The following DPY19L1 variants were observed in gnomAD, a reference collection of about 807,000 sequenced individuals.
DPY19L1 encodes the protein protein C-mannosyl-transferase DPY19L1.
In DPY19L1, 35 loss-of-function variants were observed where a neutral mutation model predicts 96.9. The ratio of observed to expected loss-of-function variants is 0.36; its 90% CI spans 0.28 to 0.48. The LOEUF (loss-of-function observed/expected upper bound fraction) is 0.48, where lower values mean the gene tolerates loss of function less well. Ranked by LOEUF, DPY19L1 falls within the 20% of genes least tolerant of loss-of-function variation. The pLI, the probability that DPY19L1 is intolerant of heterozygous loss-of-function variation, is 0.99. For synonymous variants in DPY19L1, 205 were observed against 252.6 expected, an observed-to-expected ratio of 0.81 and a Z score of 1.79; for missense variants, 521 against 777.9, an observed-to-expected ratio of 0.67 and a Z score of 3.93.
chr7:34,938,256 C>T (rs1392173282), intron 20 of DPY19L1, 137 bp from the exon 21 acceptor site: 13 of 953,124 alleles, frequency 1.4e-5, no homozygotes, highest in African/African-American at 5.0e-5. Flanking sequence ...TGGAAGTTCC[C>T]GCTAAGGGGC....
chr7:34,978,214 T>A (rs1192486812), intron 7 of DPY19L1, among the ~76,000 whole-genome samples: 2 of 152,164 alleles, frequency 1.3e-5, no homozygotes, highest in Non-Finnish European at 2.9e-5. Flanking sequence ...ATCAAACAGA[T>A]CATGTTTAAG....
In DPY19L1 at chr7:34,933,179, G is replaced by A. The variant is rs562503507; in HGVS notation, c.2091-1450C>T. On this transcript the variant is annotated intron_variant, in intron 21 of 21. Transcript: ENST00000638088. ...TATTTCAATAGCTTTTGGGAAACAA[G>A]TGGTTTTTGGTTACACGGATAAGTT... 1.3e-4 allele frequency among the ~76,000 whole-genome samples: 20 copies of A among 152,206 alleles called. No homozygotes were observed. In the East Asian group the frequency reaches 3.9e-3, roughly 29 times the overall value.
intron 11 of DPY19L1, 149 bp downstream of exon 11, chr7:34,957,835 G>C (rs1784410374): frequency 2.1e-6 from 1 of 478,430 alleles, no homozygotes; most frequent in Non-Finnish European, 3.7e-6. Context: ...TTTTAGAATT[G>C]AGTACTTGAA....
chr7:35,025,397 T>C (rs1392165177), intron 1 of DPY19L1, among the ~76,000 whole-genome samples: 1 of 151,860 alleles, frequency 6.6e-6, no homozygotes, highest in African/African-American at 2.4e-5. Flanking sequence ...AGAGAACACA[T>C]TAAGCACTCA....
At chr7:35,015,693 C>T (rs1309480595) in intron 3 of DPY19L1, among the ~76,000 whole-genome samples, 1 of 152,210 alleles carries the variant, frequency 6.6e-6, no homozygotes, top group East Asian at 1.9e-4. Flanking sequence ...AATCAACCAG[C>T]AGCCCTCACA....
At chr7:34,982,212 G>C (rs1784953794) in intron 7 of DPY19L1, among the ~76,000 whole-genome samples, 1 of 152,122 alleles carries the variant, frequency 6.6e-6, no homozygotes, top group Non-Finnish European at 1.5e-5. Context: ...ATGAAAATGA[G>C]AATATGGGCT....
chr7:34,986,593 C>T (rs920882816), intron 7 of DPY19L1, among the ~76,000 whole-genome samples: 4 of 151,914 alleles, frequency 2.6e-5, no homozygotes, highest in African/African-American at 9.7e-5. Flanking sequence ...AGATTGTTTT[C>T]AAAGTGCTCT....
chr7:34,950,631 A>G (rs900187572), intron 13 of DPY19L1, among the ~76,000 whole-genome samples: 1 of 152,230 alleles, frequency 6.6e-6, no homozygotes, highest in Non-Finnish European at 1.5e-5. Context: ...TGATATCTAC[A>G]TGAAGCAGAA....
rs1584214824 is a variant in DPY19L1 at position 34,954,791 on chromosome 7, A to G, written c.1240-13T>C. 6.9e-7 allele frequency: 1 copy of G among 1,453,604 alleles called. No homozygotes were observed. Among genetic ancestry groups the G allele is most frequent in the Non-Finnish European group, 9.4e-7 (1 of 1,060,366 alleles). The allele number at this position is 1,453,604 out of a possible 1,614,324, so 90.0% of individuals were successfully genotyped here. Reference sequence around the variant, plus strand: ...ATCCTTGAATAACCTAAACAAAAGAAAACAAAAATAACTTTGATGCTTCAT... The same window carrying G: ...ATCCTTGAATAACCTAAACAAAAGAGAACAAAAATAACTTTGATGCTTCAT... On this transcript the variant is annotated splice_polypyrimidine_tract_variant and intron_variant, in intron 12 of 21. Transcript: ENST00000638088.
intron 3 of DPY19L1, among the ~76,000 whole-genome samples, chr7:35,017,094 T>A (rs530482064): frequency 2.6e-5 from 4 of 152,062 alleles, no homozygotes; most frequent in Non-Finnish European, 5.9e-5. Context: ...TTCCAGTATG[T>A]CTTGTGCCAT....
chr7:34,966,816 T>A (rs1374470356), intron 10 of DPY19L1, 78 bp downstream of exon 10: 10 of 1,292,166 alleles, frequency 7.7e-6, no homozygotes, highest in Non-Finnish European at 1.0e-5. Flanking sequence ...ACAACTAGTT[T>A]CAACCATGAA....
chr7:34,973,681 A>G lies in DPY19L1; in HGVS notation c.823-76T>C, dbSNP rs947290814. 1.1e-5 allele frequency: 8 copies of G among 738,498 alleles called. 1 individual carries two copies. The African/African-American group carries it at 1.5e-4, about 14-fold the overall frequency. 45.7% of individuals were successfully genotyped at this position (738,498 alleles called of 1,614,324 possible). A position where few individuals can be genotyped will look rare whatever the true frequency, so the allele number is the denominator to read the frequency against. ...TTCCAAGTAAAAATTGCTATTTATA[A>G]ATAAAATTATTTTTAACAAATAATT... is the stretch of plus-strand genomic sequence containing the variant. On this transcript the variant is annotated intron_variant, in intron 7 of 21. Transcript: ENST00000638088.
At chr7:35,008,603 G>A (rs1237817926) in intron 6 of DPY19L1, among the ~76,000 whole-genome samples, 2 of 152,170 alleles carry the variant, frequency 1.3e-5, no homozygotes, top group East Asian at 3.8e-4. Context: ...TGAGGCAGGA[G>A]GACTGCTTGA....
chr7:34,939,741 G>A (rs1783955475), intron 19 of DPY19L1, among the ~76,000 whole-genome samples: 2 of 152,170 alleles, frequency 1.3e-5, no homozygotes, highest in African/African-American at 4.8e-5. Flanking sequence ...TCAATCATTT[G>A]ATACTCAGAT....
intron 1 of DPY19L1, among the ~76,000 whole-genome samples, chr7:35,022,778 GCA>G (rs71551084): frequency 7.0e-6 from 1 of 142,148 alleles, no homozygotes; most frequent in Admixed American, 7.0e-5. Flanking sequence ...ACACACACAC[GCA>G]CACACACACA....
chr7:34,968,048 C>G (rs1461120546), intron 9 of DPY19L1, among the ~76,000 whole-genome samples: 1 of 152,078 alleles, frequency 6.6e-6, no homozygotes, highest in Non-Finnish European at 1.5e-5. Flanking sequence ...GCTCCCTTTT[C>G]ACCCCAAGGG....
Position 35,002,935 on chromosome 7 carries a change from A to AT in DPY19L1, c.764+7532dup, listed in dbSNP as rs369517794. ...AGGTGCCCGCCACCACGCTTGGCTA[A>AT]TTTTTTTGTATTTTTTAGTAGAGAC... is the stretch of plus-strand genomic sequence containing the variant. On this transcript the variant is annotated intron_variant, in intron 6 of 21. Transcript: ENST00000638088. 5.0e-3 allele frequency among the ~76,000 whole-genome samples: 761 copies of AT among 152,042 alleles called. 5 individuals are homozygous for AT. The highest frequency in any genetic ancestry group is 7.3e-3 in the Non-Finnish European group (495 of 67,980).
Position 34,966,939 on chromosome 7 carries a change from C to T in DPY19L1, c.1047G>A (p.Gly349=), listed in dbSNP as rs1200659640. 1 of 1,541,960 alleles carries T rather than the reference C, an allele frequency of 6.5e-7. No homozygotes were observed. Among genetic ancestry groups the T allele is most frequent in the Middle Eastern group, 1.7e-4 (1 of 5,840 alleles). The change falls in exon 10 of 22, where the codon GGG becomes GGA. Residue 349 remains glycine, a synonymous_variant. Coordinates refer to ENST00000638088, the MANE Select transcript of DPY19L1 (RefSeq NM_001366673.1). ...TCCGTAATTTACATATATCAATGTA[C>T]CCGACAACATATACTGCAAATAATG... ...IASLFAVYVV[G]YIDICKLRKI...
chr7:34,979,843 A>C (rs975283285), intron 7 of DPY19L1, among the ~76,000 whole-genome samples: 1 of 152,134 alleles, frequency 6.6e-6, no homozygotes, highest in Admixed American at 6.5e-5. Flanking sequence ...ATTCTAAATT[A>C]ATCTAGAGAT....
Sources: allele counts gnomAD v4.1 joint callset (sites outside exome capture counted in the v4.1 genomes callset), GRCh38; gene constraint gnomAD v4.1.1; transcripts MANE v1.5; gene names NCBI Gene and HGNC (gene_info 2026-07-23, HGNC 2026-07-21).